Variants in PCDH19 observed in about 807,000 individuals in gnomAD.
The protein encoded by PCDH19 is protocadherin 19.
Under a neutral mutation model 46.2 loss-of-function variants are expected in PCDH19, and 6 were observed. The ratio of observed to expected loss-of-function variants is 0.13; its 90% confidence interval spans 0.07 to 0.26. The LOEUF (loss-of-function observed/expected upper bound fraction) is 0.26, where lower values mean the gene tolerates loss of function less well. PCDH19 is among the 10% of genes least tolerant of loss of function. The pLI is 1.00. For synonymous variants in PCDH19, 481 were observed against 415.7 expected, an observed-to-expected ratio of 1.16 and a Z score of -1.91; for missense variants, 740 against 972.3, an observed-to-expected ratio of 0.76 and a Z score of 3.18.
At chrX:100,392,409 C>T (rs1198874646) in intron 3 of PCDH19, among the ~76,000 whole-genome samples, 1 of 111,647 alleles carries the variant, frequency 9.0e-6, no homozygotes, top group Admixed American at 9.5e-5. Context: ...ATTTGAGATT[C>T]GTTTCCAAAA....
At chrX:100,311,280 A>T (rs1925125140) in intron 5 of PCDH19, among the ~76,000 whole-genome samples, 1 of 111,863 alleles carries the variant, frequency 8.9e-6, no homozygotes, top group Non-Finnish European at 1.9e-5. Flanking sequence ...GATGGTCATG[A>T]GCTTCTAGGA....
At chrX:100,401,923 TGACAG>T (rs1477822556) in intron 3 of PCDH19, among the ~76,000 whole-genome samples, 11 of 111,874 alleles carry the variant, frequency 9.8e-5, no homozygotes, top group African/African-American at 2.9e-4. Context: ...TCAGCAATAA[TGACAG>T]TTTCAATCTC....
chrX:100,306,045 A>T lies in PCDH19; in HGVS notation c.2849-9170T>A, dbSNP rs148061901. Among the ~76,000 whole-genome samples, 74 of 112,008 alleles carry T rather than the reference A, an allele frequency of 6.6e-4. No individual in the cohort carries two copies. The East Asian group carries it at 0.014, about 21-fold the overall frequency. On this transcript the variant is annotated intron_variant, in intron 5 of 5. Coordinates refer to ENST00000373034, the MANE Select transcript of PCDH19 (RefSeq NM_001184880.2). ...GCCAACAAAGAAACAATGGACTTAA[A>T]CTATAACCTACAGCAAATGGACTTA...
intron 3 of PCDH19, among the ~76,000 whole-genome samples, chrX:100,374,871 G>A (rs189753573): frequency 9.0e-6 from 1 of 110,814 alleles, no homozygotes; most frequent in East Asian, 2.8e-4. Flanking sequence ...CCTGGGAGGC[G>A]GAGCTTGCAG....
At chrX:100,373,593 T>G (rs1927287659) in intron 3 of PCDH19, among the ~76,000 whole-genome samples, 2 of 112,356 alleles carry the variant, frequency 1.8e-5, no homozygotes, top group Admixed American at 1.9e-4. Flanking sequence ...CTATTTTCCT[T>G]TCTTCGAAAA....
At chrX:100,382,697 A>G (rs1927588370) in intron 3 of PCDH19, among the ~76,000 whole-genome samples, 1 of 111,899 alleles carries the variant, frequency 8.9e-6, no homozygotes, top group Non-Finnish European at 1.9e-5. Flanking sequence ...TGCAGGAGAA[A>G]GGTTGAAAAA....
At chrX:100,364,165 A>C (rs892867029) in intron 3 of PCDH19, among the ~76,000 whole-genome samples, 1 of 109,550 alleles carries the variant, frequency 9.1e-6, no homozygotes, top group African/African-American at 3.3e-5. Flanking sequence ...TGTCGGCTGG[A>C]AAGGAGCCAT....
At chrX:100,393,213 T>C (rs1178141406) in intron 3 of PCDH19, among the ~76,000 whole-genome samples, 1 of 109,571 alleles carries the variant, frequency 9.1e-6, no homozygotes, top group Non-Finnish European at 1.9e-5. Flanking sequence ...TATATCAAAT[T>C]GGGGTGTCAT....
At chrX:100,359,586 T>A (rs182130439) in intron 3 of PCDH19, among the ~76,000 whole-genome samples, 20 of 111,511 alleles carry the variant, frequency 1.8e-4, no homozygotes, top group African/African-American at 6.5e-4. Flanking sequence ...AAGAAACCCA[T>A]ATAAGATCTC....
intron 3 of PCDH19, among the ~76,000 whole-genome samples, chrX:100,354,831 C>T (rs1602603043): frequency 9.0e-6 from 1 of 110,800 alleles, no homozygotes; most frequent in East Asian, 2.8e-4. Flanking sequence ...CTAAATGTCA[C>T]ATTAATTTCA....
rs1462902254 is a variant in PCDH19, at chrX:100,322,857, ATATATATATTTT to A, written c.2848+19034_2848+19045del. Among the ~76,000 whole-genome samples, 8 of 50,892 alleles carry A rather than the reference ATATATATATTTT, an allele frequency of 1.6e-4. No individual in the cohort carries two copies. The East Asian group carries it at 2.8e-3, about 18-fold the overall frequency. The allele number at this position is 50,892 out of a possible 115,157, so 44.2% of individuals were successfully genotyped here. On this transcript the variant is annotated intron_variant, in intron 5 of 5. Transcript: ENST00000373034. ...AGTATATATATATATATATATATATATATATATATTTTTGCAGCTATTGTAAAAGGGGTTGAG... is the reference window on the plus strand; with the variant it reads ...AGTATATATATATATATATATATATATGCAGCTATTGTAAAAGGGGTTGAG...
At chrX:100,333,966 T>G (rs1926000844) in intron 5 of PCDH19, among the ~76,000 whole-genome samples, 1 of 109,361 alleles carries the variant, frequency 9.1e-6, no homozygotes, top group African/African-American at 3.3e-5. Flanking sequence ...ATTTTTGTAT[T>G]TTTAGCAGAG....
intron 3 of PCDH19, among the ~76,000 whole-genome samples, chrX:100,369,989 T>C (rs1331881369): frequency 8.9e-6 from 1 of 111,773 alleles, no homozygotes; most frequent in African/African-American, 3.3e-5. Flanking sequence ...ACTCCTTCCA[T>C]TTCGGCATCA....
chrX:100,361,873 G>GA (rs200998743), intron 3 of PCDH19, among the ~76,000 whole-genome samples: 4 of 109,067 alleles, frequency 3.7e-5, no homozygotes, highest in African/African-American at 1.4e-4. Flanking sequence ...CTATTTGGGA[G>GA]AAAAAAAATA....
intron 3 of PCDH19, among the ~76,000 whole-genome samples, chrX:100,396,054 A>C (rs1389832620): frequency 1.3e-4 from 15 of 111,247 alleles, no homozygotes; most frequent in Non-Finnish European, 3.8e-5. Context: ...TCTCACACAC[A>C]GGCCTCTTGT....
chrX:100,321,751 G>T (rs1388263281), intron 5 of PCDH19, among the ~76,000 whole-genome samples: 1 of 99,951 alleles, frequency 1.0e-5, no homozygotes, highest in African/African-American at 3.7e-5. Flanking sequence ...CAGTGCAAAA[G>T]CTCTTTAGTT....
chrX:100,299,890 T>C (rs1428572787), intron 5 of PCDH19, among the ~76,000 whole-genome samples: 1 of 112,386 alleles, frequency 8.9e-6, no homozygotes, highest in African/African-American at 3.2e-5. Flanking sequence ...AGAGACTCTT[T>C]TACTCACAGT....
At chrX:100,342,708 C>T (rs1200148382) in intron 4 of PCDH19, among the ~76,000 whole-genome samples, 1 of 112,223 alleles carries the variant, frequency 8.9e-6, no homozygotes, top group Non-Finnish European at 1.9e-5. Flanking sequence ...TACTAACCAA[C>T]TGTAAAAAGC....
intron 5 of PCDH19, among the ~76,000 whole-genome samples, chrX:100,323,473 C>T (rs1453178879): frequency 8.9e-6 from 1 of 111,816 alleles, no homozygotes; most frequent in African/African-American, 3.3e-5. Flanking sequence ...CACAAACTCT[C>T]TTCTGATCCT....
Sources: allele counts gnomAD v4.1 joint callset (sites outside exome capture counted in the v4.1 genomes callset), GRCh38; gene constraint gnomAD v4.1.1; transcripts MANE v1.5; gene names NCBI Gene and HGNC (gene_info 2026-07-23, HGNC 2026-07-21).